The following FHIT variants were observed in gnomAD, a reference collection of about 807,000 sequenced individuals.
FHIT encodes the protein fragile histidine triad diadenosine triphosphatase.
FHIT carries 19 observed loss-of-function variants against 17.9 expected under a neutral mutation model. The ratio of observed to expected loss-of-function variants is 1.06; its 90% CI spans 0.74 to 1.56. The LOEUF (loss-of-function observed/expected upper bound fraction) is 1.56. Among genes scored for constraint, FHIT ranks in the 40% most tolerant of loss-of-function variants. FHIT has a pLI of 0.00. For synonymous variants in FHIT, 81 were observed against 69.7 expected, an observed-to-expected ratio of 1.16 and a Z score of -0.81; for missense variants, 248 against 189.2, an observed-to-expected ratio of 1.31 and a Z score of -1.82.
chr3:61,167,881 G>C (rs2037888312), intron 2 of FHIT, among the ~76,000 whole-genome samples: 1 of 152,026 alleles, frequency 6.6e-6, no homozygotes, highest in South Asian at 2.1e-4. Context: ...TACAACAAAG[G>C]AAACCCAATT....
chr3:60,821,749 A>G (rs782101574), intron 4 of FHIT, among the ~76,000 whole-genome samples, 170 bp downstream of exon 4: 2 of 152,238 alleles, frequency 1.3e-5, no homozygotes, highest in Non-Finnish European at 2.9e-5. Context: ...AGCTACAAAT[A>G]GAAGTCGAAA....
At chr3:61,224,090 T>G (rs142712812) in intron 1 of FHIT, among the ~76,000 whole-genome samples, 4 of 152,144 alleles carry the variant, frequency 2.6e-5, no homozygotes, top group African/African-American at 9.6e-5. Context: ...AGATGAAAAA[T>G]GCAAAGACAG....
At position 60,057,244 on chromosome 3, in the gene FHIT, A is replaced by C. The variant is rs570668002; in HGVS notation, c.104-43092T>G. ...TTATTATGTCCATATGACAGACGCCAAAGAAGTAGACTAGGGGAGTTAAAT... is the reference window on the plus strand; with the variant it reads ...TTATTATGTCCATATGACAGACGCCCAAGAAGTAGACTAGGGGAGTTAAAT... On this transcript the variant is annotated intron_variant, in intron 5 of 9. Transcript: ENST00000492590. Among the ~76,000 whole-genome samples the C allele has an allele frequency of 2.0e-5, 3 of 152,318 alleles. No individual in the cohort carries two copies. In the South Asian group the frequency reaches 6.2e-4, roughly 32 times the overall value.
chr3:61,225,376 C>T (rs1052196818), intron 1 of FHIT, among the ~76,000 whole-genome samples: 2 of 152,110 alleles, frequency 1.3e-5, no homozygotes, highest in Non-Finnish European at 1.5e-5. Flanking sequence ...GAGACCTTAA[C>T]TGGATTAAAT....
intron 3 of FHIT, among the ~76,000 whole-genome samples, chr3:61,021,809 C>A (rs551248237): frequency 2.0e-5 from 3 of 152,114 alleles, no homozygotes; most frequent in African/African-American, 7.2e-5. Flanking sequence ...AGAACAAAGA[C>A]ACAATGTACC....
chr3:59,790,670 T>C (rs1349411399), intron 8 of FHIT, among the ~76,000 whole-genome samples: 1 of 152,160 alleles, frequency 6.6e-6, no homozygotes, highest in Non-Finnish European at 1.5e-5. Context: ...AACCCTACTA[T>C]AATGCTCTTC....
At chr3:59,776,499 C>T (rs1159260087) in intron 8 of FHIT, among the ~76,000 whole-genome samples, 1 of 152,184 alleles carries the variant, frequency 6.6e-6, no homozygotes, top group Non-Finnish European at 1.5e-5. Context: ...ACTGGCTCCA[C>T]TAGCTCAGAG....
At chr3:61,005,720 A>G (rs2031401638) in intron 3 of FHIT, among the ~76,000 whole-genome samples, 2 of 152,124 alleles carry the variant, frequency 1.3e-5, no homozygotes. Flanking sequence ...GTGAAACGCA[A>G]TAATTATATA....
intron 4 of FHIT, among the ~76,000 whole-genome samples, chr3:60,562,028 T>C (rs2107645638): frequency 6.6e-6 from 1 of 152,302 alleles, no homozygotes; most frequent in African/African-American, 2.4e-5. Flanking sequence ...CCACTAGTTA[T>C]TACCCGAAAA....
intron 8 of FHIT, among the ~76,000 whole-genome samples, chr3:59,909,270 G>T (rs1177083647): frequency 6.6e-6 from 1 of 152,026 alleles, no homozygotes; most frequent in Admixed American, 6.6e-5. Context: ...CTGATCTCAT[G>T]ATCCGCCTGC....
chr3:60,754,341 C>T (rs999695638), intron 4 of FHIT, among the ~76,000 whole-genome samples: 5 of 152,136 alleles, frequency 3.3e-5, no homozygotes, highest in Admixed American at 2.6e-4. Flanking sequence ...TCATCTTAAG[C>T]GTGATATCAA....
intron 3 of FHIT, among the ~76,000 whole-genome samples, chr3:60,926,033 C>T (rs1217533932): frequency 6.6e-6 from 1 of 152,124 alleles, no homozygotes; most frequent in Non-Finnish European, 1.5e-5. Context: ...GCACCCAATA[C>T]AGGAGCACCC....
At chr3:61,009,929 A>C (rs1295431012) in intron 3 of FHIT, among the ~76,000 whole-genome samples, 1 of 152,204 alleles carries the variant, frequency 6.6e-6, no homozygotes, top group Non-Finnish European at 1.5e-5. Flanking sequence ...TATTTTGGAG[A>C]GAATTCTATG....
intron 5 of FHIT, among the ~76,000 whole-genome samples, chr3:60,177,705 A>G (rs1701741643): frequency 1.3e-5 from 2 of 152,308 alleles, no homozygotes; most frequent in South Asian, 2.1e-4. Flanking sequence ...ATGTCAGCTG[A>G]GATATAATTA....
intron 5 of FHIT, among the ~76,000 whole-genome samples, chr3:60,519,995 A>G (rs2035300134): frequency 6.6e-6 from 1 of 152,210 alleles, no homozygotes; most frequent in African/African-American, 2.4e-5. Context: ...CAAGGTGGCT[A>G]CAAATTTCTT....
chr3:60,795,931 A>G (rs1700966132), intron 4 of FHIT, among the ~76,000 whole-genome samples: 1 of 152,200 alleles, frequency 6.6e-6, no homozygotes, highest in Non-Finnish European at 1.5e-5. Context: ...GACATACCCA[A>G]GACTGGGAAG....
intron 1 of FHIT, among the ~76,000 whole-genome samples, chr3:61,216,201 C>T (rs1024427920): frequency 6.6e-6 from 1 of 152,172 alleles, no homozygotes; most frequent in Non-Finnish European, 1.5e-5. Context: ...TCAGAGTGAA[C>T]AGGCAACCTA....
rs542292916 is a variant in FHIT at position 60,776,839 on chromosome 3, T to C, written c.-18+45080A>G. Among the ~76,000 whole-genome samples the C allele has an allele frequency of 7.4e-4, 112 of 152,306 alleles. No homozygotes were observed. The Middle Eastern group carries it at 0.014, about 19-fold the overall frequency. On this transcript the variant is annotated intron_variant, in intron 4 of 9. Transcript: ENST00000492590. ...GTAAACTTTTGCCTAGGGTTAAGGA[T>C]TGTTTTGAGTTACATTAGGAAAAAG...
chr3:59,934,897 A>C (rs910771698), intron 7 of FHIT, among the ~76,000 whole-genome samples: 1 of 152,120 alleles, frequency 6.6e-6, no homozygotes, highest in Non-Finnish European at 1.5e-5. Flanking sequence ...GGGAACTACA[A>C]TTCAAGATGA....
Sources: gnomAD v4.1 joint callset for allele counts (sites outside exome capture counted in the v4.1 genomes callset) on GRCh38, gnomAD v4.1.1 for gene constraint, MANE v1.5 for transcripts, NCBI Gene and HGNC (gene_info 2026-07-23, HGNC 2026-07-21) for gene names.